Variants in ZFHX3 observed in about 807,000 individuals in gnomAD.
The protein encoded by ZFHX3 is zinc finger homeobox 3, also known as zinc finger homeobox protein 3.
ZFHX3 carries 42 observed loss-of-function variants against 279.1 expected under a neutral mutation model. That is an observed-to-expected ratio of 0.15 (90% CI 0.12 to 0.19). The LOEUF is 0.19. Ranked by LOEUF, ZFHX3 falls within the 10% of genes least tolerant of loss-of-function variation. The pLI, the probability that ZFHX3 is intolerant of heterozygous loss-of-function variation, is 1.00. For synonymous variants in ZFHX3, 2,293 were observed against 1,957.8 expected (o/e 1.17, Z -4.52); for missense variants, 4,981 against 4,754.0 (o/e 1.05, Z -1.40).
At chr16:73,855,793 A>G (rs907120920) in intron 1 of ZFHX3, among the ~76,000 whole-genome samples, 3 of 152,220 alleles carry the variant, frequency 2.0e-5, no homozygotes, top group African/African-American at 7.2e-5. Context: ...GAGAGAAAAA[A>G]TAAGTCAGGG....
chr16:72,810,042 C>T (rs922926561), intron 7 of ZFHX3, among the ~76,000 whole-genome samples: 1 of 151,764 alleles, frequency 6.6e-6, no homozygotes, highest in African/African-American at 2.4e-5. Flanking sequence ...CCACGCCCGG[C>T]TAATTTTTTG....
intron 1 of ZFHX3, among the ~76,000 whole-genome samples, chr16:73,781,797 A>G (rs554599548): frequency 3.9e-5 from 6 of 152,080 alleles, no homozygotes; most frequent in Admixed American, 6.6e-5. Flanking sequence ...GACCAGCCTG[A>G]CCAACATAGT....
chr16:73,676,912 T>C (rs13330122), intron 2 of ZFHX3, among the ~76,000 whole-genome samples: 8,942 of 152,036 alleles, frequency 0.059, 885 homozygotes, highest in African/African-American at 0.2. Flanking sequence ...AAATATGCAA[T>C]ATTCATGTGT....
chr16:72,999,561 T>G (rs532069675), intron 1 of ZFHX3, among the ~76,000 whole-genome samples: 2 of 152,204 alleles, frequency 1.3e-5, no homozygotes, highest in African/African-American at 4.8e-5. Context: ...TTTGGAGGCA[T>G]GCTCACAGCA....
chr16:73,784,487 G>A (rs138028273), intron 1 of ZFHX3, among the ~76,000 whole-genome samples: 330 of 152,090 alleles, frequency 2.2e-3, no homozygotes, highest in Non-Finnish European at 3.7e-3. Context: ...AGTGGCTCAC[G>A]TCTGTAATCC....
intron 3 of ZFHX3, among the ~76,000 whole-genome samples, chr16:73,345,610 T>C (rs2016109828): frequency 6.6e-6 from 1 of 152,212 alleles, no homozygotes; most frequent in South Asian, 2.1e-4. Context: ...ATGGTGTATA[T>C]GTACCACATT....
chr16:73,559,324 G>C (rs185516210), intron 2 of ZFHX3, among the ~76,000 whole-genome samples: 198 of 152,114 alleles, frequency 1.3e-3, no homozygotes, highest in African/African-American at 4.5e-3. Context: ...TTGGGATTAC[G>C]ATCATGAGCC....
At chr16:72,903,940 C>T (rs1048621774) in intron 3 of ZFHX3, among the ~76,000 whole-genome samples, 1 of 152,218 alleles carries the variant, frequency 6.6e-6, no homozygotes, top group African/African-American at 2.4e-5. Context: ...CCCTTCAGCC[C>T]ACTGGAAGCA....
At chr16:73,163,310 C>G (rs182597714) in intron 5 of ZFHX3, among the ~76,000 whole-genome samples, 1 of 152,290 alleles carries the variant, frequency 6.6e-6, no homozygotes, top group Non-Finnish European at 1.5e-5. Flanking sequence ...TTCTGACAGT[C>G]TAATCAGGTA....
chr16:73,187,294 C>G (rs1401665979), intron 5 of ZFHX3, among the ~76,000 whole-genome samples: 1 of 152,008 alleles, frequency 6.6e-6, no homozygotes, highest in African/African-American at 2.4e-5. Flanking sequence ...TGTCAGCTCT[C>G]AAGCTGACAT....
chr16:73,650,130 A>G (rs1383250958), intron 2 of ZFHX3, among the ~76,000 whole-genome samples: 1 of 152,176 alleles, frequency 6.6e-6, no homozygotes, highest in Admixed American at 6.5e-5. Context: ...CCTTCTGTCC[A>G]TAACTCTGAA....
intron 1 of ZFHX3, among the ~76,000 whole-genome samples, chr16:73,001,956 G>A (rs1045375402): frequency 2.6e-5 from 4 of 151,998 alleles, no homozygotes; most frequent in South Asian, 2.1e-4. Context: ...CCCACATTCC[G>A]GTCCATAGAC....
chr16:73,821,351 T>C (rs898285073), intron 1 of ZFHX3, among the ~76,000 whole-genome samples: 1 of 152,266 alleles, frequency 6.6e-6, no homozygotes, highest in African/African-American at 2.4e-5. Context: ...TTAGGTACCA[T>C]CTCTGATGGA....
intron 3 of ZFHX3, among the ~76,000 whole-genome samples, chr16:73,323,020 G>A (rs1002700715): frequency 5.9e-5 from 9 of 152,176 alleles, no homozygotes; most frequent in African/African-American, 2.2e-4. Context: ...GGGATGAAGA[G>A]CTGCAGCGGA....
chr16:72,924,162 T>G (rs149317058), intron 3 of ZFHX3, among the ~76,000 whole-genome samples: 29 of 152,340 alleles, frequency 1.9e-4, no homozygotes, highest in African/African-American at 6.7e-4. Flanking sequence ...TTAGACCTCT[T>G]TGAAGCCACA....
chr16:73,352,103 C>T (rs887589779), intron 3 of ZFHX3, among the ~76,000 whole-genome samples: 4 of 152,294 alleles, frequency 2.6e-5, no homozygotes, highest in African/African-American at 9.6e-5. Flanking sequence ...GAGAAACTTA[C>T]ATATTTCTTT....
At chr16:73,635,585 T>C (rs1471279610) in intron 2 of ZFHX3, among the ~76,000 whole-genome samples, 2 of 152,132 alleles carry the variant, frequency 1.3e-5, no homozygotes, top group Non-Finnish European at 2.9e-5. Context: ...TTCCTCTTTT[T>C]CCCTATTCTC....
chr16:73,046,256 C>T (rs953112702), intron 1 of ZFHX3, among the ~76,000 whole-genome samples: 3 of 152,246 alleles, frequency 2.0e-5, no homozygotes, highest in African/African-American at 7.2e-5. Context: ...GGTCTCCTGA[C>T]TTCCCTCACA....
At chr16:73,859,639 A>G (rs1481386501) in intron 1 of ZFHX3, among the ~76,000 whole-genome samples, 2 of 152,210 alleles carry the variant, frequency 1.3e-5, no homozygotes, top group Admixed American at 6.5e-5. Context: ...GGAATTAAAG[A>G]GAGAGGCAAT....
Sources: allele counts gnomAD v4.1 joint callset (sites outside exome capture counted in the v4.1 genomes callset), GRCh38; gene constraint gnomAD v4.1.1; transcripts MANE v1.5; gene names NCBI Gene and HGNC (gene_info 2026-07-23, HGNC 2026-07-21).